Variants in BMPR1B observed in about 807,000 individuals in gnomAD.
The protein encoded by BMPR1B is bone morphogenetic protein receptor type 1B, also known as bone morphogenetic protein receptor type-1B.
In BMPR1B, 12 loss-of-function variants were observed where a neutral mutation model predicts 59.1. The observed-to-expected ratio is 0.20, with a 90% confidence interval of 0.13 to 0.33. BMPR1B has a LOEUF of 0.33. BMPR1B is among the 10% of genes least tolerant of loss of function. The probability of loss-of-function intolerance (pLI) is 1.00; values close to 1 mark genes in which losing one functional copy is unlikely to be tolerated. For synonymous variants in BMPR1B, 237 were observed against 207.3 expected (o/e 1.14, Z -1.23); for missense variants, 550 against 610.9 (o/e 0.90, Z 1.05).
rs886059744 is a variant in BMPR1B at position 95,157,974 on chromosome 4, C to T, written c.*3301C>T. On this transcript the variant is annotated 3_prime_UTR_variant, in exon 13 of 13. Transcript: ENST00000515059. ...AAGTATAGCAAGTACTTAATAATGA[C>T]TGAATTTCATGTTCCTACAGTCATA... 6.6e-6 allele frequency: 1 copy of T among 152,150 alleles called. No homozygotes were observed. Among genetic ancestry groups the T allele is most frequent in the African/African-American group, 2.4e-5 (1 of 41,442 alleles). The allele number at this position is 152,150 out of a possible 1,614,324, so 9.4% of individuals were successfully genotyped here. A position where few individuals can be genotyped will look rare whatever the true frequency, so the allele number is the denominator to read the frequency against.
At chr4:94,891,334 CT>C (rs1277128308) in intron 2 of BMPR1B, among the ~76,000 whole-genome samples, 1 of 152,036 alleles carries the variant, frequency 6.6e-6, no homozygotes, top group Non-Finnish European at 1.5e-5. Flanking sequence ...CAGATAAATA[CT>C]CTTGGATTCT....
chr4:95,141,416 G>A (rs1254574680), intron 10 of BMPR1B, among the ~76,000 whole-genome samples: 2 of 152,120 alleles, frequency 1.3e-5, no homozygotes, highest in African/African-American at 4.8e-5. Flanking sequence ...TGTTCTCTTA[G>A]GCTTTTCAGT....
chr4:95,156,638 C>T lies in BMPR1B; in HGVS notation c.*1965C>T, dbSNP rs1053716653. The T allele has an allele frequency of 2.0e-5, 3 of 150,274 alleles. No individual in the cohort carries two copies. Among genetic ancestry groups the T allele is most frequent in the Non-Finnish European group, 4.4e-5 (3 of 67,680 alleles). 9.3% of individuals were successfully genotyped at this position (150,274 alleles called of 1,614,324 possible). On this transcript the variant is annotated 3_prime_UTR_variant, in exon 13 of 13. Transcript: ENST00000515059. ...GTTTGTAACTAAGACAGAAGAATTT[C>T]GTAATCCTTGAAATTGAAAAAAAAA... is the stretch of plus-strand genomic sequence containing the variant.
chr4:95,126,024 A>G, intron 8 of BMPR1B, among the ~76,000 whole-genome samples: 1 of 152,138 alleles, frequency 6.6e-6, no homozygotes, highest in Non-Finnish European at 1.5e-5. Flanking sequence ...TTTACTGGAC[A>G]TCACTCCAAC....
intron 1 of BMPR1B, among the ~76,000 whole-genome samples, chr4:94,843,685 AG>A (rs1452747143): frequency 6.6e-6 from 1 of 152,170 alleles, no homozygotes; most frequent in African/African-American, 2.4e-5. Flanking sequence ...GAACTTTAAA[AG>A]GTTTTGGAAA....
At chr4:94,940,184 A>G (rs190402471) in intron 2 of BMPR1B, among the ~76,000 whole-genome samples, 1 of 152,314 alleles carries the variant, frequency 6.6e-6, no homozygotes, top group Admixed American at 6.5e-5. Context: ...AAATTGAGGC[A>G]TTTTCAATAT....
chr4:95,081,486 CA>C (rs1349686306), intron 3 of BMPR1B, among the ~76,000 whole-genome samples: 1 of 152,130 alleles, frequency 6.6e-6, no homozygotes, highest in Admixed American at 6.5e-5. Context: ...GACTTTCAAG[CA>C]AAAGTTAGGA....
intron 1 of BMPR1B, among the ~76,000 whole-genome samples, chr4:94,788,950 C>G (rs185574213): frequency 6.6e-6 from 1 of 152,306 alleles, no homozygotes; most frequent in Admixed American, 6.5e-5. Flanking sequence ...TCTATCACAT[C>G]TATCCCAGCC....
In BMPR1B at chr4:94,809,512, A is replaced by G. The variant is rs1164531820; in HGVS notation, c.-183+51444A>G. ...TATCACTTTCAGATATCTGAGGATTATGCCAACTGTTGATCAGAGAGTACA... is the reference window on the plus strand; with the variant it reads ...TATCACTTTCAGATATCTGAGGATTGTGCCAACTGTTGATCAGAGAGTACA... On this transcript the variant is annotated intron_variant, in intron 1 of 12. Transcript: ENST00000515059. Among the ~76,000 whole-genome samples the G allele has an allele frequency of 2.0e-5, 3 of 152,234 alleles. No homozygotes were observed. The East Asian group carries it at 5.8e-4, about 29-fold the overall frequency.
At chr4:95,091,028 T>C (rs939504678) in intron 3 of BMPR1B, among the ~76,000 whole-genome samples, 3 of 152,118 alleles carry the variant, frequency 2.0e-5, no homozygotes, top group Admixed American at 2.0e-4. Context: ...TTGATTGGTT[T>C]GTGAAATTGA....
At chr4:94,886,638 A>AT (rs1255682398) in intron 2 of BMPR1B, among the ~76,000 whole-genome samples, 4 of 152,214 alleles carry the variant, frequency 2.6e-5, no homozygotes, top group Non-Finnish European at 5.9e-5. Flanking sequence ...TCCCCAATGG[A>AT]TATGAAATTA....
chr4:94,831,270 G>T (rs1180567437), intron 1 of BMPR1B, among the ~76,000 whole-genome samples: 1 of 117,714 alleles, frequency 8.5e-6, no homozygotes, highest in Non-Finnish European at 1.9e-5. Flanking sequence ...AAAGCTTATA[G>T]AATAAGGATA....
In BMPR1B at chr4:95,158,200, G is replaced by A. The variant is rs1342443031; in HGVS notation, c.*3527G>A. The A allele has an allele frequency of 3.9e-5, 6 of 152,116 alleles. No individual in the cohort carries two copies. Among genetic ancestry groups the A allele is most frequent in the Admixed American group, 1.3e-4 (2 of 15,278 alleles). The allele number at this position is 152,116 out of a possible 1,614,324, so 9.4% of individuals were successfully genotyped here. A position where few individuals can be genotyped will look rare whatever the true frequency, so the allele number is the denominator to read the frequency against. ...TAATTTAGCAATTGTGATTCCTCTT[G>A]TAAAACAAAACAAAAAAACAATGCC... On this transcript the variant is annotated 3_prime_UTR_variant, in exon 13 of 13. Coordinates refer to ENST00000515059, the MANE Select transcript of BMPR1B (RefSeq NM_001203.3).
chr4:94,830,995 A>C (rs11934094), intron 1 of BMPR1B, among the ~76,000 whole-genome samples: 2 of 152,058 alleles, frequency 1.3e-5, no homozygotes, highest in African/African-American at 4.8e-5. Flanking sequence ...TACTCCTACT[A>C]ATTATAAAAA....
At chr4:94,875,212 G>A (rs1053520341) in intron 1 of BMPR1B, among the ~76,000 whole-genome samples, 2 of 152,160 alleles carry the variant, frequency 1.3e-5, no homozygotes, top group African/African-American at 4.8e-5. Flanking sequence ...ACTTTGAGGT[G>A]CTATAGTAAA....
chr4:94,912,268 A>G (rs779773499), intron 2 of BMPR1B, among the ~76,000 whole-genome samples: 2 of 152,180 alleles, frequency 1.3e-5, no homozygotes, highest in Non-Finnish European at 2.9e-5. Flanking sequence ...GAGCCAAACC[A>G]TATCACACAA....
intron 2 of BMPR1B, among the ~76,000 whole-genome samples, chr4:94,943,543 A>T (rs1171685557): frequency 6.6e-6 from 1 of 152,180 alleles, no homozygotes; most frequent in Non-Finnish European, 1.5e-5. Context: ...AAGTTAAAGG[A>T]ATTAGTATGT....
chr4:94,996,446 A>C (rs1722063528), intron 3 of BMPR1B: 1 of 152,138 alleles, frequency 6.6e-6, no homozygotes, highest in Admixed American at 6.5e-5. Context: ...AGTCCTATTT[A>C]CTTTTATGTC....
chr4:94,969,249 A>G (rs1730681567), intron 2 of BMPR1B, among the ~76,000 whole-genome samples: 1 of 151,942 alleles, frequency 6.6e-6, no homozygotes, highest in African/African-American at 2.4e-5. Flanking sequence ...TTTGGCCAGG[A>G]TGGTCTTGAT....
Sources: gnomAD v4.1 joint callset for allele counts (sites outside exome capture counted in the v4.1 genomes callset) on GRCh38, gnomAD v4.1.1 for gene constraint, MANE v1.5 for transcripts, NCBI Gene and HGNC (gene_info 2026-07-23, HGNC 2026-07-21) for gene names.